Variants in ERBB4 observed in about 807,000 individuals in gnomAD.
ERBB4 encodes the protein receptor tyrosine-protein kinase erbB-4.
Under a neutral mutation model 158.0 loss-of-function variants are expected in ERBB4, and 42 were observed. That is an observed-to-expected ratio of 0.27 (90% CI 0.21 to 0.34). ERBB4 has a LOEUF of 0.34. Ranked by LOEUF, ERBB4 falls within the 10% of genes least tolerant of loss-of-function variation. ERBB4 has a pLI of 1.00. For missense variants in ERBB4, 1,333 were observed against 1,624.1 expected (o/e 0.82, Z 3.08); for synonymous variants, 583 against 558.7 (o/e 1.04, Z -0.61).
chr2:212,267,422 C>A (rs2085177341), intron 1 of ERBB4, among the ~76,000 whole-genome samples: 1 of 151,756 alleles, frequency 6.6e-6, no homozygotes, highest in South Asian at 2.1e-4. Context: ...CAAAAAACTT[C>A]TGTGACCTAT....
intron 2 of ERBB4, among the ~76,000 whole-genome samples, chr2:212,025,600 C>T (rs942392226): frequency 3.3e-5 from 5 of 151,884 alleles, no homozygotes; most frequent in African/African-American, 1.2e-4. Flanking sequence ...CAGTATCATT[C>T]AATTATGTTC....
intron 4 of ERBB4, among the ~76,000 whole-genome samples, chr2:211,751,729 A>C (rs1213009114): frequency 6.6e-6 from 1 of 152,158 alleles, no homozygotes; most frequent in African/African-American, 2.4e-5. Flanking sequence ...TTAATTCCTC[A>C]ACCAGAAAGT....
intron 1 of ERBB4, among the ~76,000 whole-genome samples, chr2:212,338,911 C>A (rs745672842): frequency 2.0e-5 from 3 of 152,100 alleles, no homozygotes; most frequent in Non-Finnish European, 4.4e-5. Flanking sequence ...TCAAAACCAC[C>A]TCATTCTCCT....
At chr2:212,176,903 G>C (rs140165640) in intron 1 of ERBB4, among the ~76,000 whole-genome samples, 10 of 151,936 alleles carry the variant, frequency 6.6e-5, no homozygotes, top group African/African-American at 2.2e-4. Flanking sequence ...GCATATGGCA[G>C]GTACTCATGA....
chr2:211,683,436 T>C (rs2072437686), intron 12 of ERBB4, among the ~76,000 whole-genome samples: 1 of 152,184 alleles, frequency 6.6e-6, no homozygotes, highest in Admixed American at 6.5e-5. Context: ...AATTGTACAG[T>C]ATGTAATTTT....
intron 16 of ERBB4, among the ~76,000 whole-genome samples, chr2:211,657,077 A>G (rs1405307972): frequency 6.6e-6 from 1 of 152,202 alleles, no homozygotes. Context: ...AAAATCAGAA[A>G]TTGAATTAAA....
At chr2:211,711,497 G>T (rs150451350) in intron 9 of ERBB4, among the ~76,000 whole-genome samples, 1,667 of 152,214 alleles carry the variant, frequency 0.011, 29 homozygotes, top group African/African-American at 0.037. Flanking sequence ...GTTGCAATTT[G>T]TATTACCAAA....
intron 1 of ERBB4, among the ~76,000 whole-genome samples, chr2:212,500,847 A>C (rs1416507940): frequency 6.6e-6 from 1 of 152,208 alleles, no homozygotes; most frequent in African/African-American, 2.4e-5. Flanking sequence ...CAACCTGCTA[A>C]TCTTAGAAAA....
intron 19 of ERBB4, among the ~76,000 whole-genome samples, chr2:211,615,621 G>A (rs2069356775): frequency 6.6e-6 from 1 of 152,012 alleles, no homozygotes; most frequent in Non-Finnish European, 1.5e-5. Flanking sequence ...CTTGCTTTTA[G>A]TGTAGCATTT....
At chr2:212,035,503 G>A (rs2076992632) in intron 2 of ERBB4, among the ~76,000 whole-genome samples, 1 of 152,106 alleles carries the variant, frequency 6.6e-6, no homozygotes, top group South Asian at 2.1e-4. Flanking sequence ...CTTTTCTGAT[G>A]TCCCTAGATG....
chr2:211,417,449 G>A (rs1333133498), intron 25 of ERBB4, among the ~76,000 whole-genome samples: 1 of 152,184 alleles, frequency 6.6e-6, no homozygotes, highest in East Asian at 1.9e-4. Flanking sequence ...ACTCCAGCCT[G>A]GGTGACAGAG....
chr2:212,455,330 T>TAGGTGCCTCC (rs1462971519), intron 1 of ERBB4, among the ~76,000 whole-genome samples: 7 of 152,014 alleles, frequency 4.6e-5, no homozygotes, highest in Non-Finnish European at 7.4e-5. Context: ...TTAGGTGATC[T>TAGGTGCCTCC]CATGTATGAA....
intron 3 of ERBB4, among the ~76,000 whole-genome samples, chr2:211,829,554 A>T (rs2077175121): frequency 6.6e-6 from 1 of 152,140 alleles, no homozygotes; most frequent in African/African-American, 2.4e-5. Flanking sequence ...TAATTTGTTT[A>T]CTTGTTTATC....
chr2:211,844,132 A>C (rs1456887241), intron 3 of ERBB4, among the ~76,000 whole-genome samples: 1 of 68,330 alleles, frequency 1.5e-5, no homozygotes, highest in Admixed American at 1.5e-4. Context: ...TGAGAAATGA[A>C]AACACTAATT....
intron 1 of ERBB4, among the ~76,000 whole-genome samples, chr2:212,386,891 A>G (rs567264963): frequency 6.6e-5 from 10 of 152,172 alleles, no homozygotes; most frequent in Middle Eastern, 3.4e-3. Context: ...TACTGTTCCA[A>G]TGATTTTGTC....
chr2:212,393,526 G>A (rs116155076), intron 1 of ERBB4, among the ~76,000 whole-genome samples: 2,047 of 151,964 alleles, frequency 0.013, 44 homozygotes, highest in African/African-American at 0.047. Context: ...GACACTCTAG[G>A]CACCTTATTT....
intron 1 of ERBB4, among the ~76,000 whole-genome samples, chr2:212,297,016 T>A (rs148330924): frequency 3.3e-5 from 5 of 152,058 alleles, no homozygotes; most frequent in African/African-American, 9.6e-5. Flanking sequence ...CCCAGGCTCA[T>A]AACTCGAGGT....
chr2:211,772,430 CAG>C (rs1005303938), intron 4 of ERBB4, among the ~76,000 whole-genome samples: 4 of 151,778 alleles, frequency 2.6e-5, no homozygotes, highest in African/African-American at 9.7e-5. Flanking sequence ...AAATCAGAAA[CAG>C]AAAATGAAAT....
chr2:212,446,010 G>A (rs1009094486), intron 1 of ERBB4, among the ~76,000 whole-genome samples: 1 of 152,220 alleles, frequency 6.6e-6, no homozygotes, highest in African/African-American at 2.4e-5. Flanking sequence ...AAGATTTATT[G>A]ACTTCGTATC....
Sources: gnomAD v4.1 joint callset for allele counts (sites outside exome capture counted in the v4.1 genomes callset) on GRCh38, gnomAD v4.1.1 for gene constraint, MANE v1.5 for transcripts, NCBI Gene and HGNC (gene_info 2026-07-23, HGNC 2026-07-21) for gene names.